NKAIN2: variants seen among roughly 807,000 people sequenced by gnomAD.
The protein encoded by NKAIN2 is sodium/potassium transporting ATPase interacting 2, also known as sodium/potassium-transporting ATPase subunit beta-1-interacting protein 2.
A neutral mutation model predicts 32.6 loss-of-function variants in NKAIN2; 14 were observed. The ratio of observed to expected loss-of-function variants is 0.43; its 90% confidence interval spans 0.28 to 0.67. The LOEUF (loss-of-function observed/expected upper bound fraction) is 0.67. Among genes scored for constraint, NKAIN2 ranks in the 30% least tolerant of loss-of-function variants. The pLI is 0.17. For missense variants in NKAIN2, 198 were observed against 258.3 expected (o/e 0.77, Z 1.60); for synonymous variants, 80 against 87.2 (o/e 0.92, Z 0.46).
chr6:124,644,376 A>G (rs1056381370), intron 3 of NKAIN2, among the ~76,000 whole-genome samples: 2 of 151,154 alleles, frequency 1.3e-5, no homozygotes, highest in African/African-American at 4.9e-5. Context: ...ATGCATCCAG[A>G]GTGTAAAAGA....
intron 1 of NKAIN2, among the ~76,000 whole-genome samples, chr6:123,904,117 G>A (rs1562249114): frequency 6.6e-6 from 1 of 151,992 alleles, no homozygotes; most frequent in East Asian, 1.9e-4. Flanking sequence ...TGTAATCTCA[G>A]CTACTTGGGA....
chr6:124,756,756 T>C (rs1484623121), intron 4 of NKAIN2, among the ~76,000 whole-genome samples: 2 of 152,164 alleles, frequency 1.3e-5, no homozygotes, highest in African/African-American at 4.8e-5. Context: ...CCAGGAGCTC[T>C]GGTGCTTTTT....
At chr6:124,357,876 T>G (rs1799063253) in intron 3 of NKAIN2, among the ~76,000 whole-genome samples, 1 of 152,174 alleles carries the variant, frequency 6.6e-6, no homozygotes, top group Non-Finnish European at 1.5e-5. Flanking sequence ...GCTGCACCCA[T>G]TAACTCGTCA....
chr6:123,931,906 A>T (rs537049333), intron 1 of NKAIN2, among the ~76,000 whole-genome samples: 1 of 151,918 alleles, frequency 6.6e-6, no homozygotes, highest in East Asian at 1.9e-4. Flanking sequence ...CAATCTTGAA[A>T]CTCTCTAGTT....
intron 3 of NKAIN2, among the ~76,000 whole-genome samples, chr6:124,603,344 TTTG>T (rs1283292267): frequency 6.6e-5 from 10 of 151,928 alleles, no homozygotes; most frequent in African/African-American, 2.4e-4. Context: ...TTGAAATGGT[TTTG>T]TTGATATTCA....
chr6:124,505,592 T>C (rs1266366602), intron 3 of NKAIN2, among the ~76,000 whole-genome samples: 5 of 152,196 alleles, frequency 3.3e-5, no homozygotes, highest in Admixed American at 2.0e-4. Context: ...CGAAGGTCAG[T>C]ACAAGGTTCC....
intron 4 of NKAIN2, among the ~76,000 whole-genome samples, chr6:124,736,937 T>C (rs1186675652): frequency 6.6e-6 from 1 of 151,952 alleles, no homozygotes; most frequent in African/African-American, 2.4e-5. Flanking sequence ...TTATGACTTA[T>C]AGATTACATA....
Position 124,638,509 on chromosome 6 carries a change from C to T in NKAIN2, c.274-19677C>T, listed in dbSNP as rs552066697. Among the ~76,000 whole-genome samples the T allele has an allele frequency of 3.2e-3, 480 of 152,128 alleles. 4 individuals are homozygous for T. The highest frequency in any genetic ancestry group is 4.8e-3 in the Non-Finnish European group (328 of 67,976). On this transcript the variant is annotated intron_variant, in intron 3 of 6. Transcript: ENST00000368417. ...TGGGAGAAAATATTTGTAAACTATT[C>T]GTACAAGAGATTAATAACCAAAATG...
chr6:123,952,165 G>T (rs760742325), intron 1 of NKAIN2, among the ~76,000 whole-genome samples: 19 of 152,008 alleles, frequency 1.2e-4, no homozygotes, highest in Non-Finnish European at 8.8e-5. Context: ...TACATTTGCA[G>T]GGCTTAATCC....
At chr6:124,291,194 G>A (rs1795797570) in intron 2 of NKAIN2, among the ~76,000 whole-genome samples, 2 of 152,068 alleles carry the variant, frequency 1.3e-5, no homozygotes, top group African/African-American at 4.8e-5. Context: ...GAACACTGAA[G>A]TAATTGTTCA....
chr6:123,958,118 G>T lies in NKAIN2; in HGVS notation c.54+153864G>T, dbSNP rs570054040. Among the ~76,000 whole-genome samples the T allele has an allele frequency of 4.6e-5, 7 of 152,242 alleles. No homozygotes were observed. The South Asian group carries it at 1.5e-3, about 32-fold the overall frequency. Reference sequence around the variant, plus strand: ...TGGCCCTGAAAAGGCAGAAAGAAGAGCAGTTTTAGGGTCTCTGCCCTCCAA... The same window carrying T: ...TGGCCCTGAAAAGGCAGAAAGAAGATCAGTTTTAGGGTCTCTGCCCTCCAA... On this transcript the variant is annotated intron_variant, in intron 1 of 6. Coordinates refer to ENST00000368417, the MANE Select transcript of NKAIN2 (RefSeq NM_001040214.3).
At chr6:124,256,184 A>C (rs1793921266) in intron 1 of NKAIN2, among the ~76,000 whole-genome samples, 1 of 152,184 alleles carries the variant, frequency 6.6e-6, no homozygotes, top group South Asian at 2.1e-4. Context: ...GAAGGTAGGG[A>C]AATGTTGTCA....
At position 124,818,476 on chromosome 6, in the gene NKAIN2, T is replaced by G. The variant is rs1781266549; in HGVS notation, c.617+8T>G. 6.9e-7 allele frequency: 1 copy of G among 1,447,492 alleles called. No homozygotes were observed. The highest frequency in any genetic ancestry group is 9.7e-7 in the Non-Finnish European group (1 of 1,033,808). The allele number at this position is 1,447,492 out of a possible 1,614,324, so 89.7% of individuals were successfully genotyped here. Reference sequence around the variant, plus strand: ...ACTACAGCCTATGTACATGTAAGTATTTTACTTGGAAGGTACTCTTCTGGG... The same window carrying G: ...ACTACAGCCTATGTACATGTAAGTAGTTTACTTGGAAGGTACTCTTCTGGG... On this transcript the variant is annotated splice_region_variant and intron_variant, in intron 6 of 6. Transcript: ENST00000368417.
intron 1 of NKAIN2, among the ~76,000 whole-genome samples, chr6:123,911,468 A>G (rs2114455750): frequency 6.6e-6 from 1 of 152,008 alleles, no homozygotes; most frequent in African/African-American, 2.4e-5. Flanking sequence ...TAAGAGTGAG[A>G]ACTCACTCAC....
chr6:124,643,503 C>T (rs944625083), intron 3 of NKAIN2, among the ~76,000 whole-genome samples: 9 of 152,128 alleles, frequency 5.9e-5, no homozygotes, highest in African/African-American at 1.9e-4. Context: ...TTATCAAATA[C>T]TTTCTTATAT....
chr6:124,726,949 G>A (rs1487184977), intron 4 of NKAIN2, among the ~76,000 whole-genome samples: 2 of 137,552 alleles, frequency 1.5e-5, no homozygotes, highest in African/African-American at 2.8e-5. Context: ...CTGGAAGAAA[G>A]GGTATCAGCG....
chr6:124,616,441 T>C (rs569561525), intron 3 of NKAIN2, among the ~76,000 whole-genome samples: 139 of 6,622 alleles, frequency 0.021, 1 homozygote, highest in African/African-American at 0.041. Context: ...TTCTTTCTTT[T>C]TTTTTTTTTT....
At chr6:124,030,883 A>G (rs976047224) in intron 1 of NKAIN2, among the ~76,000 whole-genome samples, 3 of 152,124 alleles carry the variant, frequency 2.0e-5, no homozygotes, top group Non-Finnish European at 4.4e-5. Flanking sequence ...TTGATTGTTA[A>G]CCACTCATTT....
At chr6:124,372,896 C>T (rs1583146744) in intron 3 of NKAIN2, among the ~76,000 whole-genome samples, 3 of 152,188 alleles carry the variant, frequency 2.0e-5, no homozygotes, top group South Asian at 2.1e-4. Flanking sequence ...TAAAATAACT[C>T]GTAATTTTCC....
Sources: gnomAD v4.1 joint callset for allele counts (sites outside exome capture counted in the v4.1 genomes callset) on GRCh38, gnomAD v4.1.1 for gene constraint, MANE v1.5 for transcripts, NCBI Gene and HGNC (gene_info 2026-07-23, HGNC 2026-07-21) for gene names.